CEP192: variants seen among roughly 807,000 people sequenced by gnomAD.
CEP192 encodes centrosomal protein 192, also known as centrosomal protein of 192 kDa.
In CEP192, 151 loss-of-function variants were observed where a neutral mutation model predicts 271.8. That is an observed-to-expected ratio of 0.56 (90% CI 0.49 to 0.64). CEP192 has a LOEUF of 0.64. Ranked by LOEUF, CEP192 falls within the 30% of genes least tolerant of loss-of-function variation. CEP192 has a pLI of 0.00. For synonymous variants in CEP192, 995 were observed against 1,076.5 expected, an observed-to-expected ratio of 0.92 and a Z score of 1.48; for missense variants, 2,910 against 3,020.5, an observed-to-expected ratio of 0.96 and a Z score of 0.86.
intron 26 of CEP192, 25 bp from the exon 27 acceptor site, chr18:13,069,713 A>G (rs201652033): frequency 4.0e-4 from 538 of 1,355,182 alleles, no homozygotes; most frequent in Non-Finnish European, 5.3e-4. Context: ...TCGGCATTCA[A>G]TTATGATTAT....
chr18:13,087,516 T>C lies in CEP192; in HGVS notation c.5878-15T>C. ...TATTTAATATTTACTCCTGATTTTT[T>C]TTTCTTGGCATCAGAATGTTACTTT... On this transcript the variant is annotated splice_polypyrimidine_tract_variant and intron_variant, in intron 31 of 44. Coordinates refer to ENST00000506447, the MANE Select transcript of CEP192 (RefSeq NM_032142.4). The C allele has an allele frequency of 8.0e-7, 1 of 1,250,314 alleles. No homozygotes were observed. The highest frequency in any genetic ancestry group is 1.4e-5 in the South Asian group (1 of 73,026). 77.5% of individuals were successfully genotyped at this position (1,250,314 alleles called of 1,614,324 possible).
intron 43 of CEP192, 62 bp from the exon 44 acceptor site, chr18:13,117,523 C>T: frequency 1.7e-6 from 2 of 1,201,010 alleles, no homozygotes; most frequent in Middle Eastern, 1.9e-4. Context: ...GCTTGGTATG[C>T]TTATATATGC....
At chr18:13,105,760 T>C (rs761005830) in intron 40 of CEP192, among the ~76,000 whole-genome samples, 2 of 152,210 alleles carry the variant, frequency 1.3e-5, no homozygotes, top group African/African-American at 2.4e-5. Flanking sequence ...AGACACACAG[T>C]TCTACAAGTG....
intron 40 of CEP192, among the ~76,000 whole-genome samples, chr18:13,106,575 C>G (rs1339773660): frequency 6.6e-6 from 1 of 151,678 alleles, no homozygotes; most frequent in Non-Finnish European, 1.5e-5. Flanking sequence ...ACAACCACAC[C>G]CCACACAGCT....
chr18:13,030,661 C>A, intron 11 of CEP192, 53 bp downstream of exon 11: 2 of 1,405,054 alleles, frequency 1.4e-6, no homozygotes, highest in Non-Finnish European at 2.0e-6. Context: ...TCTGATCTTT[C>A]TAAGATTACT....
chr18:13,100,996 G>A (rs111703868), intron 38 of CEP192, among the ~76,000 whole-genome samples: 8 of 152,110 alleles, frequency 5.3e-5, no homozygotes, highest in African/African-American at 1.9e-4. Flanking sequence ...CCTGACTTAC[G>A]GTGGCTTGAC....
chr18:13,068,350 AT>A lies in CEP192; in HGVS notation c.4759-5del. On this transcript the variant is annotated splice_polypyrimidine_tract_variant and splice_region_variant and intron_variant, in intron 23 of 44. Transcript: ENST00000506447. ...TACATTAAGACAAATTTTTCTTTTA[AT>A]TTTATAGGATCCAGAATTTCTGATG... The A allele has an allele frequency of 6.2e-7, 1 of 1,610,808 alleles. No homozygotes were observed. Among genetic ancestry groups the A allele is most frequent in the East Asian group, 2.2e-5 (1 of 44,844 alleles).
intron 11 of CEP192, among the ~76,000 whole-genome samples, chr18:13,031,714 A>G (rs1479319970): frequency 6.6e-6 from 1 of 152,176 alleles, no homozygotes; most frequent in Non-Finnish European, 1.5e-5. Flanking sequence ...TGAGACAAGA[A>G]TGCAGTACAC....
chr18:13,054,865 T>C (rs2036997453), intron 18 of CEP192, among the ~76,000 whole-genome samples: 1 of 152,236 alleles, frequency 6.6e-6, no homozygotes, highest in Admixed American at 6.5e-5. Context: ...CAGATGTCAC[T>C]CCTCAGATTA....
chr18:12,994,452 C>A (rs1016307988), intron 1 of CEP192, among the ~76,000 whole-genome samples: 10 of 151,690 alleles, frequency 6.6e-5, no homozygotes, highest in African/African-American at 2.4e-4. Flanking sequence ...GAGTGACAGG[C>A]CTCATAGAGT....
intron 44 of CEP192, 47 bp from the exon 45 acceptor site, chr18:13,124,584 AC>A (rs1662558529): frequency 2.6e-6 from 4 of 1,565,298 alleles, no homozygotes; most frequent in Non-Finnish European, 3.5e-6. Flanking sequence ...GGACAGGGTC[AC>A]GGGTGCTGTC....
At position 13,114,305 on chromosome 18, in the gene CEP192, TAG is replaced by T. The variant is rs904750975; in HGVS notation, c.7289+57_7289+58del. ...TTTTTCCCAGTACTTTATTGAGGAA[TAG>T]AGTCAGTAAAATGCTCGATGACTTT... On this transcript the variant is annotated intron_variant, in intron 42 of 44. Transcript: ENST00000506447. 6 of 1,577,952 alleles carry T rather than the reference TAG, an allele frequency of 3.8e-6. No individual in the cohort carries two copies. In the African/African-American group the frequency reaches 4.1e-5, roughly 11 times the overall value.
intron 40 of CEP192, among the ~76,000 whole-genome samples, chr18:13,108,749 C>T (rs1313519201): frequency 6.6e-6 from 1 of 152,140 alleles, no homozygotes; most frequent in African/African-American, 2.4e-5. Flanking sequence ...GTGGCACGCA[C>T]CTGTAGTTCT....
chr18:13,104,405 A>G (rs539455668), intron 39 of CEP192, among the ~76,000 whole-genome samples: 6 of 152,116 alleles, frequency 3.9e-5, no homozygotes, highest in Non-Finnish European at 8.8e-5. Flanking sequence ...TCTCTCTGCC[A>G]TGTATTTTGT....
At chr18:13,102,612 T>C (rs1359268159) in intron 38 of CEP192, among the ~76,000 whole-genome samples, 1 of 152,164 alleles carries the variant, frequency 6.6e-6, no homozygotes, top group Admixed American at 6.5e-5. Context: ...TTGGTTGACT[T>C]GATCTCCCAG....
chr18:13,008,766 T>C, intron 4 of CEP192, 135 bp downstream of exon 4: 1 of 646,528 alleles, frequency 1.5e-6, no homozygotes, highest in Non-Finnish European at 2.6e-6. Context: ...TGCAGTGGCG[T>C]GATCACAGCT....
chr18:13,087,790 A>G lies in CEP192; in HGVS notation c.5993+144A>G, dbSNP rs472992. 287,469 of 426,336 alleles carry G rather than the reference A, an allele frequency of 0.67. 99,775 individuals are homozygous for G. The highest frequency in any genetic ancestry group is 0.89 in the African/African-American group (43,304 of 48,674). The allele number at this position is 426,336 out of a possible 1,614,324, so 26.4% of individuals were successfully genotyped here. ...AAAAATCTTGGTAGAATTTATGTGG[A>G]TGATGAGCTACCACAATGTGAGGAA... On this transcript the variant is annotated intron_variant, in intron 32 of 44. Coordinates refer to ENST00000506447, the MANE Select transcript of CEP192 (RefSeq NM_032142.4).
chr18:13,019,958 G>A (rs1343598128), intron 9 of CEP192, among the ~76,000 whole-genome samples: 2 of 151,724 alleles, frequency 1.3e-5, no homozygotes, highest in Non-Finnish European at 1.5e-5. Flanking sequence ...GATTACAGGC[G>A]CACATCACCA....
At position 13,057,618 on chromosome 18, in the gene CEP192, C is replaced by T; in HGVS notation, c.4142C>T (p.Pro1381Leu). The change falls in exon 20 of 45, where the codon CCT (proline) becomes CTT (leucine). Residue 1381 changes from proline to leucine, a missense_variant. By Grantham distance (98) the Pro-to-Leu change is moderately conservative. Coordinates refer to ENST00000506447, the MANE Select transcript of CEP192 (RefSeq NM_032142.4). The part of the protein sequence containing the change: ...SVRVPEELKL[P>L]HACCVGIASQ... ...CGAGTGCCCGAGGAGTTGAAGCTTC[C>T]TCATGCTTGCTGTGTCGGGATCGCT... The T allele has an allele frequency of 1.2e-6, 2 of 1,614,142 alleles. No homozygotes were observed. The highest frequency in any genetic ancestry group is 1.7e-6 in the Non-Finnish European group (2 of 1,180,008).
Sources: gnomAD v4.1 joint callset for allele counts (sites outside exome capture counted in the v4.1 genomes callset) on GRCh38, gnomAD v4.1.1 for gene constraint, MANE v1.5 for transcripts, NCBI Gene and HGNC (gene_info 2026-07-23, HGNC 2026-07-21) for gene names.